PTPN4: variants seen among roughly 807,000 people sequenced by gnomAD.
The protein encoded by PTPN4 is protein tyrosine phosphatase non-receptor type 4.
PTPN4 carries 49 observed loss-of-function variants against 135.5 expected under a neutral mutation model. The ratio of observed to expected loss-of-function variants is 0.36; its 90% CI spans 0.29 to 0.46. PTPN4 has a LOEUF of 0.46. Ranked by LOEUF, PTPN4 falls within the 20% of genes least tolerant of loss-of-function variation. The pLI is 1.00. For missense variants in PTPN4, 860 were observed against 1,101.0 expected (o/e 0.78, Z 3.10); for synonymous variants, 333 against 369.9 (o/e 0.90, Z 1.14).
Position 119,965,529 on chromosome 2 carries a change from G to A in PTPN4, c.2442G>A (p.Gln814=). The A allele has an allele frequency of 1.2e-6, 2 of 1,613,530 alleles. No homozygotes were observed. The change falls in exon 25 of 27, where the codon CAG becomes CAA. Residue 814 remains glutamine, a synonymous_variant. Transcript: ENST00000263708. ...KNESRPLTQI[Q]YIAWPDHGVP... is the part of the protein sequence containing the mutation. ...AAAGTCGTCCACTCACTCAGATCCA[G>A]TACATAGCCTGGCCTGACCATGGAG...
chr2:119,925,969 G>T (rs571655747), intron 12 of PTPN4, among the ~76,000 whole-genome samples: 5 of 151,946 alleles, frequency 3.3e-5, no homozygotes, highest in African/African-American at 1.2e-4. Context: ...TCATTTTTCC[G>T]TTAAAATCTC....
chr2:119,967,642 A>G (rs1009988318), intron 25 of PTPN4, among the ~76,000 whole-genome samples, 195 bp from the exon 26 acceptor site: 4 of 152,224 alleles, frequency 2.6e-5, no homozygotes, highest in Non-Finnish European at 5.9e-5. Flanking sequence ...TAGATGGAAG[A>G]TACAGAACAA....
chr2:119,844,942 C>A (rs1677465144), intron 2 of PTPN4, among the ~76,000 whole-genome samples: 1 of 151,130 alleles, frequency 6.6e-6, no homozygotes, highest in South Asian at 2.1e-4. Flanking sequence ...GATCACGCCA[C>A]TGCACTCCAG....
chr2:119,768,016 T>C (rs192234367), intron 1 of PTPN4, among the ~76,000 whole-genome samples: 90 of 152,358 alleles, frequency 5.9e-4, no homozygotes, highest in African/African-American at 2.1e-3. Flanking sequence ...GCCACAACTG[T>C]GAAAGTTGTC....
At chr2:119,844,156 C>T (rs1297962455) in intron 2 of PTPN4, among the ~76,000 whole-genome samples, 1 of 52,802 alleles carries the variant, frequency 1.9e-5, no homozygotes, top group Non-Finnish European at 3.8e-5. Flanking sequence ...GGGGGGCCGA[C>T]GCCCCCCACC....
At chr2:119,840,054 ATCT>A (rs989876354) in intron 2 of PTPN4, among the ~76,000 whole-genome samples, 4 of 152,258 alleles carry the variant, frequency 2.6e-5, no homozygotes, top group Middle Eastern at 6.8e-3. Flanking sequence ...TCCTTTTTAA[ATCT>A]TCTTGCATTT....
rs201401224 is a variant in PTPN4 at position 119,927,680 on chromosome 2, CAA to C, written c.1070+1015_1070+1016del. 2.6e-3 allele frequency among the ~76,000 whole-genome samples: 398 copies of C among 152,268 alleles called. 2 individuals are homozygous for C. Among genetic ancestry groups the C allele is most frequent in the African/African-American group, 7.8e-3 (323 of 41,550 alleles). Reference sequence around the variant, plus strand: ...CAACTGGATACAGGTGTGTTAGAGACAAGAGTTTGTTTTCAGTGAAAATTACT... The same window carrying C: ...CAACTGGATACAGGTGTGTTAGAGACGAGTTTGTTTTCAGTGAAAATTACT... On this transcript the variant is annotated intron_variant, in intron 13 of 26. Transcript: ENST00000263708.
At chr2:119,922,886 T>C (rs1002436968) in intron 12 of PTPN4, among the ~76,000 whole-genome samples, 1 of 152,232 alleles carries the variant, frequency 6.6e-6, no homozygotes, top group Non-Finnish European at 1.5e-5. Context: ...GAGCAAGATA[T>C]GGTAGTTTCT....
intron 2 of PTPN4, among the ~76,000 whole-genome samples, chr2:119,825,233 T>A (rs1255721682): frequency 7.2e-5 from 11 of 152,298 alleles, no homozygotes; most frequent in East Asian, 5.8e-4. Flanking sequence ...AGCTTTTTTT[T>A]ATATATCCAG....
intron 2 of PTPN4, among the ~76,000 whole-genome samples, chr2:119,861,719 A>G (rs1677762871): frequency 6.6e-6 from 1 of 152,026 alleles, no homozygotes; most frequent in Non-Finnish European, 1.5e-5. Flanking sequence ...TTAACTGAAC[A>G]TGTTGATCAT....
chr2:119,965,595 T>C lies in PTPN4; in HGVS notation c.2508T>C (p.His836=), dbSNP rs894588332. ...DSSDFLDFVC[H]VRNKRAGKEE... ...GTGACTTTCTAGATTTTGTTTGTCA[T>C]GTACGAAACAAGAGGGCTGGCAAGG... is the stretch of plus-strand genomic sequence containing the variant. Residue 836 remains histidine (H), a synonymous_variant, in exon 25 of 27, where the codon CAT becomes CAC. Coordinates refer to ENST00000263708, the MANE Select transcript of PTPN4 (RefSeq NM_002830.4). 6.8e-6 allele frequency: 11 copies of C among 1,614,042 alleles called. No individual in the cohort carries two copies. Among genetic ancestry groups the C allele is most frequent in the Admixed American group, 3.3e-5 (2 of 60,004 alleles).
chr2:119,934,736 T>C (rs955385446), intron 14 of PTPN4, 64 bp from the exon 15 acceptor site: 2 of 1,519,920 alleles, frequency 1.3e-6, no homozygotes, highest in Non-Finnish European at 9.0e-7. Flanking sequence ...AACCATATAT[T>C]AAGAAACTTG....
At chr2:119,951,066 A>C (rs1035480634) in intron 18 of PTPN4, among the ~76,000 whole-genome samples, 2 of 152,232 alleles carry the variant, frequency 1.3e-5, no homozygotes, top group Non-Finnish European at 2.9e-5. Flanking sequence ...GTGAAAACTC[A>C]TTATGAGTAG....
At chr2:119,941,400 T>A (rs1209802000) in intron 15 of PTPN4, among the ~76,000 whole-genome samples, 1 of 144,330 alleles carries the variant, frequency 6.9e-6, no homozygotes, top group Admixed American at 7.3e-5. Context: ...TGATTACTTT[T>A]ATAGACTTCA....
intron 18 of PTPN4, among the ~76,000 whole-genome samples, chr2:119,949,713 C>T (rs1237001675): frequency 1.3e-5 from 2 of 152,226 alleles, no homozygotes; most frequent in South Asian, 4.1e-4. Context: ...TATGGTGGCA[C>T]ACGCCTGTGA....
chr2:119,825,273 T>C (rs1195913607), intron 2 of PTPN4, among the ~76,000 whole-genome samples: 2 of 152,160 alleles, frequency 1.3e-5, no homozygotes, highest in African/African-American at 2.4e-5. Flanking sequence ...TACTGGGATA[T>C]GGCCTTCCGT....
intron 2 of PTPN4, among the ~76,000 whole-genome samples, chr2:119,820,268 T>C (rs1001830032): frequency 6.6e-6 from 1 of 152,234 alleles, no homozygotes; most frequent in African/African-American, 2.4e-5. Context: ...CTCCTGAAGC[T>C]CATTTAATAG....
At chr2:119,969,465 T>C (rs2105064251) in intron 26 of PTPN4, among the ~76,000 whole-genome samples, 2 of 152,288 alleles carry the variant, frequency 1.3e-5, no homozygotes, top group South Asian at 4.1e-4. Flanking sequence ...ATTTTGTTCA[T>C]ATTTTAGTGT....
intron 2 of PTPN4, among the ~76,000 whole-genome samples, chr2:119,855,468 A>G (rs1214040416): frequency 3.9e-5 from 6 of 152,190 alleles, no homozygotes; most frequent in Admixed American, 3.9e-4. Flanking sequence ...TGTGAGAGAC[A>G]CCGGCAGATT....
Sources: allele counts gnomAD v4.1 joint callset (sites outside exome capture counted in the v4.1 genomes callset), GRCh38; gene constraint gnomAD v4.1.1; transcripts MANE v1.5; gene names NCBI Gene and HGNC (gene_info 2026-07-23, HGNC 2026-07-21).